MYO1D: variants seen among roughly 807,000 people sequenced by gnomAD.
The protein encoded by MYO1D is myosin ID.
A neutral mutation model predicts 122.0 loss-of-function variants in MYO1D; 83 were observed. That is an observed-to-expected ratio of 0.68 (90% confidence interval 0.57 to 0.82). The LOEUF (loss-of-function observed/expected upper bound fraction) is 0.82. Among genes scored for constraint, MYO1D ranks in the 40% least tolerant of loss-of-function variants. MYO1D has a pLI of 0.00. For missense variants in MYO1D, 1,157 were observed against 1,269.5 expected, an observed-to-expected ratio of 0.91 and a Z score of 1.35; for synonymous variants, 464 against 446.9, an observed-to-expected ratio of 1.04 and a Z score of -0.48.
chr17:32,647,065 A>G (rs768684140), intron 19 of MYO1D, among the ~76,000 whole-genome samples: 8 of 152,298 alleles, frequency 5.3e-5, no homozygotes, highest in Non-Finnish European at 1.2e-4. Flanking sequence ...AATCCCTAGC[A>G]TTTGTTTTTC....
In MYO1D at chr17:32,760,545, T is replaced by A; in HGVS notation, c.1118A>T (p.His373Leu). ...GACACCAATAACAGTGTTTTTCCCA[T>A]GGATTGTGGTGTCATAGTTCTTGAC... is the stretch of plus-strand genomic sequence containing the variant. Reference protein sequence around the residue: ...IEVKNYDTTIHGKNTVIGVLD... With the variant: ...IEVKNYDTTILGKNTVIGVLD... The change falls in exon 9 of 22, where the codon CAT (histidine) becomes CTT (leucine). Residue 373 changes from histidine (H) to leucine (L), a missense_variant. His to Leu is a moderately conservative substitution (Grantham distance 99). Coordinates refer to ENST00000318217, the MANE Select transcript of MYO1D (RefSeq NM_015194.3). 6 of 1,613,904 alleles carry A rather than the reference T, an allele frequency of 3.7e-6. No individual in the cohort carries two copies. The highest frequency in any genetic ancestry group is 5.1e-6 in the Non-Finnish European group (6 of 1,179,820).
At chr17:32,632,226 C>T (rs542678944) in intron 20 of MYO1D, among the ~76,000 whole-genome samples, 5 of 152,246 alleles carry the variant, frequency 3.3e-5, no homozygotes, top group Admixed American at 2.6e-4. Context: ...TAGCTCACTT[C>T]AAATAACAAA....
chr17:32,734,657 C>T (rs563843191), intron 14 of MYO1D: 107 of 152,310 alleles, frequency 7.0e-4, no homozygotes, highest in African/African-American at 2.5e-3. Context: ...CTTCTTCAAA[C>T]TATGACCTGT....
intron 21 of MYO1D, among the ~76,000 whole-genome samples, chr17:32,598,142 G>C (rs1213771193): frequency 6.6e-6 from 1 of 152,142 alleles, no homozygotes; most frequent in East Asian, 1.9e-4. Context: ...GCGGGGCCAG[G>C]GCGGGTGGAC....
intron 1 of MYO1D, among the ~76,000 whole-genome samples, chr17:32,870,146 CA>C (rs2091166395): frequency 6.6e-6 from 1 of 152,076 alleles, no homozygotes; most frequent in African/African-American, 2.4e-5. Flanking sequence ...TGATTCACTC[CA>C]AATGGCAGCT....
intron 21 of MYO1D, among the ~76,000 whole-genome samples, chr17:32,559,495 GCA>G (rs1438486023): frequency 6.6e-6 from 1 of 152,254 alleles, no homozygotes; most frequent in East Asian, 1.9e-4. Context: ...GTCAAATAAG[GCA>G]CATGCTCAGC....
At chr17:32,640,145 C>T (rs548885253) in intron 19 of MYO1D, among the ~76,000 whole-genome samples, 1 of 152,148 alleles carries the variant, frequency 6.6e-6, no homozygotes, top group East Asian at 1.9e-4. Flanking sequence ...CAGTCTTCAA[C>T]TTGACAAAAA....
chr17:32,771,859 A>G lies in MYO1D; in HGVS notation c.619-639T>C, dbSNP rs796308090. Among the ~76,000 whole-genome samples the G allele has an allele frequency of 7.2e-5, 11 of 152,372 alleles. 1 individual carries two copies. Among genetic ancestry groups the G allele is most frequent in the African/African-American group, 1.7e-4 (7 of 41,588 alleles). On this transcript the variant is annotated intron_variant, in intron 5 of 21. Coordinates refer to ENST00000318217, the MANE Select transcript of MYO1D (RefSeq NM_015194.3). ...AAATAGCTTATTTAAAACATGGCAAATTGCCAACAGAACCATAAACACAAT... is the reference window on the plus strand; with the variant it reads ...AAATAGCTTATTTAAAACATGGCAAGTTGCCAACAGAACCATAAACACAAT...
intron 21 of MYO1D, among the ~76,000 whole-genome samples, chr17:32,529,318 C>A (rs917369407): frequency 6.8e-6 from 1 of 146,562 alleles, no homozygotes; most frequent in African/African-American, 2.5e-5. Flanking sequence ...GAGGCTATAG[C>A]AGGAAGCAGG....
intron 21 of MYO1D, among the ~76,000 whole-genome samples, chr17:32,516,115 A>G (rs1909882318): frequency 6.6e-6 from 1 of 152,226 alleles, no homozygotes; most frequent in South Asian, 2.1e-4. Flanking sequence ...TAATGCATCA[A>G]TTTTCAGACT....
intron 12 of MYO1D, chr17:32,745,621 T>C (rs2089827608): frequency 4.9e-6 from 1 of 203,622 alleles, no homozygotes; most frequent in Non-Finnish European, 9.7e-6. Context: ...GTCTCATCCG[T>C]AGGGAGGTCA....
chr17:32,861,793 G>A (rs983533284), intron 1 of MYO1D, among the ~76,000 whole-genome samples: 1 of 151,962 alleles, frequency 6.6e-6, no homozygotes, highest in Admixed American at 6.6e-5. Flanking sequence ...AGGCAGGTGT[G>A]GATCACCTGA....
chr17:32,517,318 G>A (rs983675585), intron 21 of MYO1D, among the ~76,000 whole-genome samples: 2 of 152,194 alleles, frequency 1.3e-5, no homozygotes, highest in Non-Finnish European at 2.9e-5. Context: ...AGTCATATGA[G>A]CAGTACTGAA....
chr17:32,793,847 A>AG (rs1044305887), intron 1 of MYO1D, among the ~76,000 whole-genome samples: 3 of 152,236 alleles, frequency 2.0e-5, no homozygotes, highest in African/African-American at 7.2e-5. Context: ...CAACTGATAT[A>AG]GTACCTTTCC....
intron 20 of MYO1D, among the ~76,000 whole-genome samples, chr17:32,621,337 T>G (rs1217732441): frequency 1.3e-5 from 2 of 152,080 alleles, no homozygotes; most frequent in African/African-American, 2.4e-5. Flanking sequence ...AACTTCATGC[T>G]CACCTTTGCT....
chr17:32,574,311 T>C (rs4795708), intron 21 of MYO1D, among the ~76,000 whole-genome samples: 13,780 of 151,982 alleles, frequency 0.091, 663 homozygotes, highest in East Asian at 0.12. Context: ...GTATCACTAC[T>C]AGCAAAGACT....
intron 20 of MYO1D, among the ~76,000 whole-genome samples, chr17:32,628,316 A>G (rs2087954785): frequency 6.6e-6 from 1 of 152,206 alleles, no homozygotes; most frequent in South Asian, 2.1e-4. Context: ...AGTGTGCAAT[A>G]TTTATACATA....
chr17:32,562,234 A>AT (rs1229243358), intron 21 of MYO1D, among the ~76,000 whole-genome samples: 1 of 151,722 alleles, frequency 6.6e-6, no homozygotes, highest in Non-Finnish European at 1.5e-5. Flanking sequence ...TTCAATGAAC[A>AT]TTTTTTTTGA....
intron 21 of MYO1D, among the ~76,000 whole-genome samples, chr17:32,502,653 A>G (rs1909355273): frequency 6.6e-6 from 1 of 152,186 alleles, no homozygotes; most frequent in South Asian, 2.1e-4. Flanking sequence ...GTTTAGCCAA[A>G]ATAATTTTAA....
Sources: allele counts gnomAD v4.1 joint callset (sites outside exome capture counted in the v4.1 genomes callset), GRCh38; gene constraint gnomAD v4.1.1; transcripts MANE v1.5; gene names NCBI Gene and HGNC (gene_info 2026-07-23, HGNC 2026-07-21).